EHBP1: variants seen among roughly 807,000 people sequenced by gnomAD.
EHBP1 encodes EH domain-binding protein 1.
Under a neutral mutation model 144.0 loss-of-function variants are expected in EHBP1, and 55 were observed. That is an observed-to-expected ratio of 0.38 (90% CI 0.31 to 0.48). The LOEUF is 0.48. Ranked by LOEUF, EHBP1 falls within the 20% of genes least tolerant of loss-of-function variation. The probability of loss-of-function intolerance (pLI) is 0.98; values close to 1 mark genes in which losing one functional copy is unlikely to be tolerated. For synonymous variants in EHBP1, 469 were observed against 472.7 expected, an observed-to-expected ratio of 0.99 and a Z score of 0.10; for missense variants, 1,200 against 1,364.2, an observed-to-expected ratio of 0.88 and a Z score of 1.90.
chr2:62,955,624 C>G lies in EHBP1; in HGVS notation c.2424C>G (p.Asn808Lys). ...AGGCGGGGAATAAGCACAATACCAA[C>G]ACAGCCACCCCATTCTGCAACAGGC... ...ALKAGNKHNT[N>K]TATPFCNRQL... The change falls in exon 14 of 23, where the codon AAC (asparagine) becomes AAG (lysine). Residue 808 changes from asparagine (N) to lysine (K), a missense_variant. Asn to Lys is a moderately conservative substitution (Grantham distance 94). Transcript: ENST00000431489. The G allele has an allele frequency of 6.2e-7, 1 of 1,612,340 alleles. No individual in the cohort carries two copies. Among genetic ancestry groups the G allele is most frequent in the Non-Finnish European group, 8.5e-7 (1 of 1,179,010 alleles).
intron 7 of EHBP1, among the ~76,000 whole-genome samples, chr2:62,836,433 G>A (rs1336097040): frequency 5.0e-5 from 7 of 139,296 alleles, no homozygotes; most frequent in South Asian, 2.6e-4. Context: ...AACGCAGAGC[G>A]TCTCTCCTCC....
chr2:62,694,231 T>C (rs2034004727), intron 1 of EHBP1, among the ~76,000 whole-genome samples: 1 of 152,218 alleles, frequency 6.6e-6, no homozygotes, highest in African/African-American at 2.4e-5. Context: ...TAGATTGCCA[T>C]TGAAGTTATC....
intron 3 of EHBP1, among the ~76,000 whole-genome samples, chr2:62,758,499 A>G (rs986024566): frequency 1.1e-4 from 17 of 152,308 alleles, no homozygotes; most frequent in East Asian, 1.9e-4. Flanking sequence ...CATGGCTTTT[A>G]TAACAAAGAT....
intron 10 of EHBP1, among the ~76,000 whole-genome samples, chr2:62,878,791 C>A (rs561147889): frequency 6.6e-6 from 1 of 152,048 alleles, no homozygotes; most frequent in South Asian, 2.1e-4. Context: ...GGTGGATCAC[C>A]TGAGGTCAGG....
chr2:62,841,578 C>T (rs963117098), intron 7 of EHBP1, among the ~76,000 whole-genome samples: 4 of 151,144 alleles, frequency 2.6e-5, no homozygotes, highest in African/African-American at 9.7e-5. Context: ...TTATTTAAAC[C>T]CTTCCCTCCA....
At chr2:62,827,130 A>G (rs902001913) in intron 6 of EHBP1, among the ~76,000 whole-genome samples, 1 of 152,216 alleles carries the variant, frequency 6.6e-6, no homozygotes, top group Non-Finnish European at 1.5e-5. Context: ...GGCCATGTCT[A>G]CTTGACTGAT....
At chr2:62,768,606 T>G (rs1295673896) in intron 4 of EHBP1, among the ~76,000 whole-genome samples, 2 of 152,216 alleles carry the variant, frequency 1.3e-5, no homozygotes, top group Non-Finnish European at 2.9e-5. Context: ...TAGCTGGTAC[T>G]GTTCCTACCA....
intron 10 of EHBP1, among the ~76,000 whole-genome samples, chr2:62,879,649 T>C (rs2430388): frequency 0.66 from 99,438 of 149,570 alleles, 32,950 homozygotes; most frequent in East Asian, 0.72. Flanking sequence ...TACAGCTAAC[T>C]GGGGAGGAGA....
intron 1 of EHBP1, among the ~76,000 whole-genome samples, chr2:62,691,715 C>T (rs1380829360): frequency 6.6e-6 from 1 of 152,132 alleles, no homozygotes; most frequent in Admixed American, 6.5e-5. Flanking sequence ...TCCCAGGCTG[C>T]AGGTTGGAGG....
chr2:62,747,592 A>C, intron 3 of EHBP1, 140 bp downstream of exon 3: 1 of 679,536 alleles, frequency 1.5e-6, no homozygotes, highest in Non-Finnish European at 2.5e-6. Context: ...TGGATTGATC[A>C]GATGCTATAA....
intron 10 of EHBP1, among the ~76,000 whole-genome samples, chr2:62,890,725 A>G (rs2052388174): frequency 6.6e-6 from 1 of 152,220 alleles, no homozygotes; most frequent in South Asian, 2.1e-4. Flanking sequence ...TAGTATTTGA[A>G]GTCCTAGTCA....
intron 10 of EHBP1, among the ~76,000 whole-genome samples, chr2:62,901,116 G>A (rs915930970): frequency 6.6e-6 from 1 of 152,054 alleles, no homozygotes; most frequent in African/African-American, 2.4e-5. Context: ...ATTGAGCTTG[G>A]TTCATCTTAA....
chr2:62,707,106 C>A lies in EHBP1; in HGVS notation c.-86C>A. On this transcript the variant is annotated 5_prime_UTR_variant, in exon 2 of 23. Coordinates refer to ENST00000431489, the MANE Select transcript of EHBP1 (RefSeq NM_001142616.3). ...GTTGAGTTTTTAAAAGACATACATG[C>A]AAAGTTCCTTTGCTTTGGACCCTCT... The A allele has an allele frequency of 2.9e-6, 3 of 1,021,112 alleles. No individual in the cohort carries two copies. Among genetic ancestry groups the A allele is most frequent in the Non-Finnish European group, 4.6e-6 (3 of 649,424 alleles). The allele number at this position is 1,021,112 out of a possible 1,614,324, so 63.3% of individuals were successfully genotyped here.
chr2:62,799,003 C>CAAAAAA (rs757731955), intron 5 of EHBP1, among the ~76,000 whole-genome samples: 10 of 76,746 alleles, frequency 1.3e-4, no homozygotes, highest in South Asian at 5.0e-4. Flanking sequence ...GACTCCGTCT[C>CAAAAAA]AAAAAAAAAA....
chr2:63,037,734 C>G (rs1280011381), intron 20 of EHBP1, 100 bp downstream of exon 20: 22 of 682,096 alleles, frequency 3.2e-5, no homozygotes, highest in Non-Finnish European at 5.4e-5. Context: ...TCGGTATTTT[C>G]CCTTTCCTTA....
chr2:62,969,073 A>C (rs1244265701), intron 14 of EHBP1, among the ~76,000 whole-genome samples: 2 of 121,334 alleles, frequency 1.6e-5, no homozygotes, highest in Non-Finnish European at 1.8e-5. Flanking sequence ...GAAAAGAGGA[A>C]TTAAATTATC....
chr2:62,805,560 G>C (rs1404956239), intron 5 of EHBP1, among the ~76,000 whole-genome samples: 1 of 151,080 alleles, frequency 6.6e-6, no homozygotes, highest in African/African-American at 2.4e-5. Flanking sequence ...TGTCACCTAG[G>C]ATGGAGTATA....
intron 19 of EHBP1, among the ~76,000 whole-genome samples, chr2:63,030,659 T>G (rs895861530): frequency 1.3e-5 from 2 of 151,120 alleles, no homozygotes; most frequent in Non-Finnish European, 3.0e-5. Flanking sequence ...AGCTAATTTT[T>G]TTTTTGTATT....
intron 10 of EHBP1, among the ~76,000 whole-genome samples, chr2:62,904,879 G>C (rs1372833710): frequency 1.3e-5 from 2 of 152,186 alleles, no homozygotes; most frequent in East Asian, 3.9e-4. Context: ...AATGTGGATA[G>C]AGTAGTAAAC....
Sources: allele counts gnomAD v4.1 joint callset (sites outside exome capture counted in the v4.1 genomes callset), GRCh38; gene constraint gnomAD v4.1.1; transcripts MANE v1.5; gene names NCBI Gene and HGNC (gene_info 2026-07-23, HGNC 2026-07-21).